Variants in KIAA1328 observed in about 807,000 individuals in gnomAD.
KIAA1328 encodes KIAA1328, also known as protein hinderin.
Under a neutral mutation model 68.1 loss-of-function variants are expected in KIAA1328, and 52 were observed. The observed-to-expected ratio is 0.76, with a 90% CI of 0.61 to 0.96. The LOEUF is 0.96. Among genes scored for constraint, KIAA1328 ranks in the 40% least tolerant of loss-of-function variants. The probability of loss-of-function intolerance (pLI) is 0.00; values close to 1 mark genes in which losing one functional copy is unlikely to be tolerated. For missense variants in KIAA1328, 641 were observed against 677.6 expected, an observed-to-expected ratio of 0.95 and a Z score of 0.60; for synonymous variants, 232 against 239.4, an observed-to-expected ratio of 0.97 and a Z score of 0.28.
chr18:37,203,554 T>C (rs557893065), intron 9 of KIAA1328, among the ~76,000 whole-genome samples: 3 of 152,374 alleles, frequency 2.0e-5, no homozygotes, highest in Non-Finnish European at 4.4e-5. Flanking sequence ...GGTTAACTCC[T>C]AGTAACCCTA....
intron 6 of KIAA1328, among the ~76,000 whole-genome samples, chr18:36,991,178 G>A (rs1238886612): frequency 6.6e-6 from 1 of 152,142 alleles, no homozygotes; most frequent in African/African-American, 2.4e-5. Context: ...GAAAAACATA[G>A]TCCTATAGTT....
At chr18:36,866,951 G>T (rs190323430) in intron 4 of KIAA1328, among the ~76,000 whole-genome samples, 19 of 152,308 alleles carry the variant, frequency 1.2e-4, no homozygotes, top group African/African-American at 4.6e-4. Flanking sequence ...AAGTCACTCA[G>T]AGTGCTTGGT....
intron 6 of KIAA1328, among the ~76,000 whole-genome samples, chr18:37,065,704 A>G (rs1483828437): frequency 6.6e-6 from 1 of 152,188 alleles, no homozygotes; most frequent in Non-Finnish European, 1.5e-5. Context: ...CTTACACATT[A>G]ATATCTTTCA....
rs1039136829 is a variant in KIAA1328, at chr18:36,999,136, A to G, written c.576+39701A>G. Among the ~76,000 whole-genome samples, 8 of 152,330 alleles carry G rather than the reference A, an allele frequency of 5.3e-5. 1 individual carries two copies. Among genetic ancestry groups the G allele is most frequent in the African/African-American group, 1.9e-4 (8 of 41,584 alleles). Reference sequence around the variant, plus strand: ...AAGAATTCATTGAGGGAAATACAAAATACATTTGAAAGCTTCAAAAATAGA... The same window carrying G: ...AAGAATTCATTGAGGGAAATACAAAGTACATTTGAAAGCTTCAAAAATAGA... On this transcript the variant is annotated intron_variant, in intron 6 of 9. Coordinates refer to ENST00000280020, the MANE Select transcript of KIAA1328 (RefSeq NM_020776.3).
At chr18:36,841,895 T>C (rs551834981) in intron 3 of KIAA1328, among the ~76,000 whole-genome samples, 3 of 152,246 alleles carry the variant, frequency 2.0e-5, no homozygotes, top group Non-Finnish European at 4.4e-5. Flanking sequence ...GATTTGCTTT[T>C]TATTTCATAT....
intron 8 of KIAA1328, among the ~76,000 whole-genome samples, chr18:37,165,753 G>A (rs188827756): frequency 2.6e-5 from 4 of 151,754 alleles, no homozygotes; most frequent in Non-Finnish European, 4.4e-5. Context: ...CACCACGCCC[G>A]GCTAATTTTT....
At chr18:37,001,937 A>G (rs781543778) in intron 6 of KIAA1328, among the ~76,000 whole-genome samples, 7 of 152,160 alleles carry the variant, frequency 4.6e-5, no homozygotes, top group Non-Finnish European at 1.0e-4. Context: ...TTCTCTAAGA[A>G]CTGGAACAAA....
At chr18:37,116,197 T>C (rs1003806622) in intron 7 of KIAA1328, among the ~76,000 whole-genome samples, 1 of 151,476 alleles carries the variant, frequency 6.6e-6, no homozygotes, top group African/African-American at 2.4e-5. Context: ...GAGCCTGCAT[T>C]GCCAAGTCAA....
intron 1 of KIAA1328, among the ~76,000 whole-genome samples, chr18:36,832,121 A>G (rs2046513709): frequency 6.6e-6 from 1 of 152,154 alleles, no homozygotes; most frequent in Non-Finnish European, 1.5e-5. Context: ...GGGAAATTCT[A>G]GATTTGAAGG....
chr18:36,914,875 ATC>A (rs1193811493), intron 5 of KIAA1328, among the ~76,000 whole-genome samples: 4 of 152,310 alleles, frequency 2.6e-5, no homozygotes, highest in Admixed American at 2.6e-4. Context: ...TATACAGAGA[ATC>A]TGTATGCTGA....
Position 37,224,333 on chromosome 18 carries a change from G to C in KIAA1328, c.*2106G>C, listed in dbSNP as rs2060611935. The C allele has an allele frequency of 1.0e-6, 1 of 985,238 alleles. No individual in the cohort carries two copies. Among genetic ancestry groups the C allele is most frequent in the African/African-American group, 1.7e-5 (1 of 57,196 alleles). The allele number at this position is 985,238 out of a possible 1,614,324, so 61.0% of individuals were successfully genotyped here. ...CAGAGTCTAAACTAAAGGCTTTTTG[G>C]GGGTCACAGCCACAGAGTGGAGTTT... On this transcript the variant is annotated 3_prime_UTR_variant, in exon 10 of 10. Transcript: ENST00000280020.
intron 5 of KIAA1328, among the ~76,000 whole-genome samples, chr18:36,921,499 G>A (rs2049921272): frequency 6.6e-6 from 1 of 151,882 alleles, no homozygotes; most frequent in South Asian, 2.1e-4. Flanking sequence ...CACCTCCCGG[G>A]TTCACGCCAT....
intron 7 of KIAA1328, among the ~76,000 whole-genome samples, chr18:37,145,272 A>AT (rs1258618010): frequency 3.9e-5 from 6 of 152,144 alleles, no homozygotes; most frequent in East Asian, 1.9e-4. Context: ...ATTTTTCTAG[A>AT]TTTTTTTTAT....
chr18:36,939,255 C>T (rs1001451393), intron 5 of KIAA1328, among the ~76,000 whole-genome samples: 4 of 152,128 alleles, frequency 2.6e-5, no homozygotes, highest in African/African-American at 7.2e-5. Context: ...TTTGTGTCAT[C>T]GGCAATTTCC....
chr18:37,091,094 A>G (rs111517522), intron 7 of KIAA1328, among the ~76,000 whole-genome samples: 6 of 152,258 alleles, frequency 3.9e-5, no homozygotes, highest in African/African-American at 1.4e-4. Flanking sequence ...TAATAAGTAT[A>G]TAAAACCTTC....
At chr18:36,891,947 T>C (rs898829192) in intron 5 of KIAA1328, among the ~76,000 whole-genome samples, 11 of 152,302 alleles carry the variant, frequency 7.2e-5, no homozygotes, top group African/African-American at 2.4e-4. Context: ...GAGCCAAAGA[T>C]CCCATAATGT....
chr18:36,846,851 G>A (rs1188382086), intron 4 of KIAA1328, among the ~76,000 whole-genome samples: 1 of 151,282 alleles, frequency 6.6e-6, no homozygotes, highest in Non-Finnish European at 1.5e-5. Context: ...TACATTCATA[G>A]TGCTGTGCAA....
chr18:36,832,583 T>C (rs984242698), intron 1 of KIAA1328: 26 of 118,718 alleles, frequency 2.2e-4, no homozygotes, highest in African/African-American at 8.1e-4. Context: ...CGAGACTCTG[T>C]CTCAAAAAAA....
intron 9 of KIAA1328, among the ~76,000 whole-genome samples, chr18:37,185,680 T>TA (rs1175229828): frequency 1.3e-5 from 2 of 151,758 alleles, no homozygotes; most frequent in African/African-American, 2.4e-5. Context: ...ACACTGTTGA[T>TA]ATATTTAAAT....
Sources: allele counts gnomAD v4.1 joint callset (sites outside exome capture counted in the v4.1 genomes callset), GRCh38; gene constraint gnomAD v4.1.1; transcripts MANE v1.5; gene names NCBI Gene and HGNC (gene_info 2026-07-23, HGNC 2026-07-21).